The following NUP188 variants were observed in gnomAD, a reference collection of about 807,000 sequenced individuals.
NUP188 encodes the protein nucleoporin 188.
In NUP188, 97 loss-of-function variants were observed where a neutral mutation model predicts 223.0. The observed-to-expected ratio is 0.43, with a 90% CI of 0.37 to 0.51. The LOEUF is 0.51. Ranked by LOEUF, NUP188 falls within the 20% of genes least tolerant of loss-of-function variation. NUP188 has a pLI of 0.00. For synonymous variants in NUP188, 869 were observed against 828.0 expected (o/e 1.05, Z -0.85); for missense variants, 1,947 against 2,175.6 (o/e 0.89, Z 2.09).
intron 3 of NUP188, among the ~76,000 whole-genome samples, chr9:128,955,292 T>G (rs758354856): frequency 6.6e-6 from 1 of 152,198 alleles, no homozygotes; most frequent in Non-Finnish European, 1.5e-5. Flanking sequence ...CTTTTCCTAT[T>G]TTATTTTTTG....
Position 129,005,142 on chromosome 9 carries a change from C to G in NUP188, c.4435-5C>G. On this transcript the variant is annotated splice_polypyrimidine_tract_variant and splice_region_variant and intron_variant, in intron 38 of 43. Coordinates refer to ENST00000372577, the MANE Select transcript of NUP188 (RefSeq NM_015354.3). The stretch of plus-strand genomic sequence containing the variant: ...ATCCGCTCATCTCTCCTGTGTCTCT[C>G]CCAGGTCAACCTGGGTTACTTGTGC... 2 of 1,612,992 alleles carry G rather than the reference C, an allele frequency of 1.2e-6. No individual in the cohort carries two copies. Among genetic ancestry groups the G allele is most frequent in the South Asian group, 1.1e-5 (1 of 91,036 alleles).
chr9:128,981,520 C>T (rs1842254132), intron 15 of NUP188, 130 bp downstream of exon 15: 1 of 912,098 alleles, frequency 1.1e-6, no homozygotes, highest in Non-Finnish European at 1.7e-6. Flanking sequence ...TCAAGTGATT[C>T]TCCCACCTTA....
At chr9:128,985,046 A>C (rs1033595407) in intron 20 of NUP188, 32 bp downstream of exon 20, 2 of 1,481,130 alleles carry the variant, frequency 1.4e-6, no homozygotes, top group African/African-American at 2.8e-5. Flanking sequence ...AAAGGGCAGA[A>C]AAAGAAAAGG....
intron 12 of NUP188, 50 bp downstream of exon 12, chr9:128,973,299 C>A: frequency 7.5e-7 from 1 of 1,333,640 alleles, no homozygotes; most frequent in Non-Finnish European, 1.1e-6. Flanking sequence ...GCTTTGCAAT[C>A]AAGTCCCAAA....
Position 128,968,724 on chromosome 9 carries a change from C to G in NUP188, c.797+7C>G. 1 of 1,604,454 alleles carries G rather than the reference C, an allele frequency of 6.2e-7. No homozygotes were observed. Reference sequence around the variant, plus strand: ...CTTTTGTAGATCGGATTGGGTAAGTCAGTGAATTGAACATCATGGAACTTG... The same window carrying G: ...CTTTTGTAGATCGGATTGGGTAAGTGAGTGAATTGAACATCATGGAACTTG... On this transcript the variant is annotated splice_region_variant and intron_variant, in intron 9 of 43. Coordinates refer to ENST00000372577, the MANE Select transcript of NUP188 (RefSeq NM_015354.3).
chr9:129,001,536 T>A lies in NUP188; in HGVS notation c.3851T>A (p.Val1284Asp). The A allele has an allele frequency of 6.2e-7, 1 of 1,613,666 alleles. No individual in the cohort carries two copies. Among genetic ancestry groups the A allele is most frequent in the Non-Finnish European group, 8.5e-7 (1 of 1,179,814 alleles). The change falls in exon 35 of 44, where the codon GTC (valine) becomes GAC (aspartate). Residue 1284 changes from valine to aspartate, a missense_variant. Around this residue, in one of 3 missense-constraint regions of NUP188, gnomAD observed 905 missense variants for 990.6 expected, o/e 0.91. Transcript: ENST00000372577. ...ATCTTTGCCTCTGGGCAGGTGTGTG[T>A]CCTGGGCCTGCACCTGGCCAAGGAG... ...RHRDQRDGVC[V>D]LGLHLAKELC... is the part of the protein sequence containing the mutation.
chr9:128,988,584 A>T (rs1490049526), intron 24 of NUP188, among the ~76,000 whole-genome samples: 1 of 151,998 alleles, frequency 6.6e-6, no homozygotes, highest in Non-Finnish European at 1.5e-5. Context: ...TTTGGGTTTC[A>T]GATTTTTTTT....
At position 128,985,020 on chromosome 9, in the gene NUP188, G is replaced by A; in HGVS notation, c.2076+6G>A. 1 of 1,595,972 alleles carries A rather than the reference G, an allele frequency of 6.3e-7. No homozygotes were observed. The highest frequency in any genetic ancestry group is 8.6e-7 in the Non-Finnish European group (1 of 1,165,542). On this transcript the variant is annotated splice_donor_region_variant and intron_variant, in intron 20 of 43. Transcript: ENST00000372577. ...TGATCACCACCCTTGTCAAGGTACA[G>A]TCTGATTTTGTTCACAAAGGGCAGA...
chr9:128,976,973 G>A (rs1196339635), intron 12 of NUP188, among the ~76,000 whole-genome samples: 1 of 152,058 alleles, frequency 6.6e-6, no homozygotes, highest in African/African-American at 2.4e-5. Context: ...AGCTACTCAG[G>A]AGGCTGAGGT....
In NUP188 at chr9:128,990,309, G is replaced by A. The variant is rs540671244; in HGVS notation, c.2640+83G>A. 1.9e-4 allele frequency: 208 copies of A among 1,077,066 alleles called. 4 individuals carry two copies. In the South Asian group the frequency reaches 2.3e-3, roughly 12 times the overall value. The allele number at this position is 1,077,066 out of a possible 1,614,324, so 66.7% of individuals were successfully genotyped here. A position where few individuals can be genotyped will look rare whatever the true frequency, so the allele number is the denominator to read the frequency against. ...ATTACAAAAGACATGCTCAGGCCAC[G>A]TGCAGCGGCTTAACGCCTGTATATA... On this transcript the variant is annotated intron_variant, in intron 25 of 43. Coordinates refer to ENST00000372577, the MANE Select transcript of NUP188 (RefSeq NM_015354.3).
At chr9:128,997,544 C>T (rs1185496328) in intron 30 of NUP188, among the ~76,000 whole-genome samples, 1 of 152,104 alleles carries the variant, frequency 6.6e-6, no homozygotes, top group Non-Finnish European at 1.5e-5. Context: ...GGTTGGAGTG[C>T]AGTGGTGCAA....
chr9:128,984,421 C>T (rs954367089), intron 19 of NUP188, among the ~76,000 whole-genome samples: 1 of 152,116 alleles, frequency 6.6e-6, no homozygotes, highest in African/African-American at 2.4e-5. Context: ...CCATGGTGCC[C>T]GGCCGAGAGC....
chr9:128,960,259 G>GT (rs139631504), intron 8 of NUP188, among the ~76,000 whole-genome samples: 4,560 of 147,944 alleles, frequency 0.031, 211 homozygotes, highest in African/African-American at 0.1. Flanking sequence ...TTTGTTTTTT[G>GT]TTTTTTTTTA....
At chr9:128,966,648 T>C (rs1490198052) in intron 8 of NUP188, among the ~76,000 whole-genome samples, 1 of 152,150 alleles carries the variant, frequency 6.6e-6, no homozygotes, top group Non-Finnish European at 1.5e-5. Context: ...AAACATCTTA[T>C]TGTTCTCAAT....
At chr9:128,999,486 C>T in intron 33 of NUP188, 138 bp from the exon 34 acceptor site, 1 of 1,169,998 alleles carries the variant, frequency 8.5e-7, no homozygotes, top group Non-Finnish European at 1.2e-6. Flanking sequence ...TGTGTCTCTC[C>T]CTCCTCTCCC....
intron 11 of NUP188, 113 bp from the exon 12 acceptor site, chr9:128,973,047 C>T (rs1173745070): frequency 2.1e-6 from 1 of 480,946 alleles, no homozygotes; most frequent in Non-Finnish European, 3.5e-6. Context: ...TATGAAGCTT[C>T]AGATTTCCTT....
intron 8 of NUP188, among the ~76,000 whole-genome samples, chr9:128,965,833 T>A (rs537947356): frequency 4.1e-4 from 62 of 151,894 alleles, no homozygotes; most frequent in Admixed American, 1.6e-3. Flanking sequence ...TTTTCACTCT[T>A]GTTGCCCAGG....
At chr9:128,988,752 A>G (rs1842374658) in intron 24 of NUP188, among the ~76,000 whole-genome samples, 1 of 99,954 alleles carries the variant, frequency 1.0e-5, no homozygotes, top group East Asian at 3.2e-4. Context: ...TTTTTGAGAC[A>G]GTCTAGCTCT....
intron 19 of NUP188, among the ~76,000 whole-genome samples, chr9:128,984,167 C>T (rs1842298720): frequency 8.0e-6 from 1 of 124,914 alleles, no homozygotes; most frequent in South Asian, 2.6e-4. Flanking sequence ...GCTCTTGTTG[C>T]CCCGGCTGGA....
Sources: gnomAD v4.1 joint callset for allele counts (sites outside exome capture counted in the v4.1 genomes callset) on GRCh38, gnomAD v4.1.1 for gene constraint, gnomAD v4.1.1 regional missense constraint, MANE v1.5 for transcripts, NCBI Gene and HGNC (gene_info 2026-07-23, HGNC 2026-07-21) for gene names.